VRK1: variants seen among roughly 807,000 people sequenced by gnomAD.
The protein encoded by VRK1 is VRK serine/threonine kinase 1.
VRK1 carries 33 observed loss-of-function variants against 57.1 expected under a neutral mutation model. The observed-to-expected ratio is 0.58, with a 90% CI of 0.44 to 0.77. The LOEUF (loss-of-function observed/expected upper bound fraction) is 0.77, where lower values mean the gene tolerates loss of function less well. Among genes scored for constraint, VRK1 ranks in the 30% least tolerant of loss-of-function variants. VRK1 has a pLI of 0.00. For missense variants in VRK1, 413 were observed against 477.3 expected (o/e 0.87, Z 1.25); for synonymous variants, 137 against 147.8 (o/e 0.93, Z 0.53).
Position 96,860,170 on chromosome 14 carries a change from C to T in VRK1, c.890-387C>T, listed in dbSNP as rs1179227305. On this transcript the variant is annotated intron_variant, in intron 10 of 12. Transcript: ENST00000216639. ...TAGCTATCTGCTATAGAGCTAATGG[C>T]TTTGATGGCAAAAACATATTGGCTA... Among the ~76,000 whole-genome samples, 7 of 152,052 alleles carry T rather than the reference C, an allele frequency of 4.6e-5. No individual in the cohort carries two copies. The East Asian group carries it at 1.3e-3, about 29-fold the overall frequency.
intron 1 of VRK1, among the ~76,000 whole-genome samples, chr14:96,822,247 G>A (rs772497497): frequency 3.3e-5 from 5 of 152,130 alleles, no homozygotes; most frequent in Non-Finnish European, 4.4e-5. Context: ...CCTGCACAGA[G>A]TGTGCTGTCA....
At chr14:96,870,098 C>G (rs762404957) in intron 11 of VRK1, among the ~76,000 whole-genome samples, 1 of 152,132 alleles carries the variant, frequency 6.6e-6, no homozygotes, top group Non-Finnish European at 1.5e-5. Flanking sequence ...GATATTGACC[C>G]TTTAAACTTT....
chr14:96,875,606 T>C (rs1048146964), intron 11 of VRK1, among the ~76,000 whole-genome samples: 3 of 152,194 alleles, frequency 2.0e-5, no homozygotes, highest in Admixed American at 1.3e-4. Flanking sequence ...ATTTATCAAA[T>C]AGATTATCCT....
At chr14:96,873,528 T>C (rs771628181) in intron 11 of VRK1, among the ~76,000 whole-genome samples, 2 of 152,188 alleles carry the variant, frequency 1.3e-5, no homozygotes, top group Non-Finnish European at 2.9e-5. Context: ...AATATTTTGG[T>C]TTCATATTAA....
In VRK1 at chr14:96,852,900, G is replaced by T; in HGVS notation, c.444G>T (p.Arg148Ser). Residue 148 changes from arginine to serine, a missense_variant, in exon 6 of 13, where the codon AGG becomes AGT. Around this residue, in one of 3 missense-constraint regions of VRK1, gnomAD observed 151 missense variants for 225.5 expected, o/e 0.67. Coordinates refer to ENST00000216639, the MANE Select transcript of VRK1 (RefSeq NM_003384.3). Reference protein sequence around the residue: ...LQKIYEANAKRFSRKTVLQLS... With the variant: ...LQKIYEANAKSFSRKTVLQLS... The stretch of plus-strand genomic sequence containing the variant: ...AAATATATGAAGCAAATGCCAAAAG[G>T]TTTTCTCGGAAAACTGTCTTGCAGC... 2 of 1,613,834 alleles carry T rather than the reference G, an allele frequency of 1.2e-6. No individual in the cohort carries two copies. The highest frequency in any genetic ancestry group is 1.7e-4 in the Middle Eastern group (1 of 6,056).
chr14:96,881,187 C>A lies in VRK1; in HGVS notation c.1170C>A (p.Thr390=). ...TGATTTTTCTTCAAGGTTCAAGAAC[C>A]AGAAAGAGAGTCCAGAAGTAATTCA... ...TEEAIQTRSR[T]RKRVQK Residue 390 remains threonine, a synonymous_variant, in exon 13 of 13, where the codon ACC becomes ACA. Coordinates refer to ENST00000216639, the MANE Select transcript of VRK1 (RefSeq NM_003384.3). 2 of 1,605,954 alleles carry A rather than the reference C, an allele frequency of 1.2e-6. No homozygotes were observed. The highest frequency in any genetic ancestry group is 1.7e-6 in the Non-Finnish European group (2 of 1,175,620).
chr14:96,857,859 C>G (rs900003308), intron 10 of VRK1, among the ~76,000 whole-genome samples: 3 of 152,134 alleles, frequency 2.0e-5, no homozygotes, highest in African/African-American at 7.2e-5. Flanking sequence ...GTAGCCTCTC[C>G]CTCCTGGCCG....
intron 1 of VRK1, among the ~76,000 whole-genome samples, chr14:96,804,763 A>G (rs1404603440): frequency 1.3e-5 from 2 of 152,234 alleles, no homozygotes; most frequent in Non-Finnish European, 2.9e-5. Context: ...CTTGACTTAC[A>G]ACTTTGTTTT....
rs776646096 is a variant in VRK1, at chr14:96,856,206, G to A, written c.786G>A (p.Glu262=). 2.0e-5 allele frequency: 33 copies of A among 1,613,424 alleles called. No homozygotes were observed. The highest frequency in any genetic ancestry group is 1.6e-4 in the Middle Eastern group (1 of 6,080). The change falls in exon 9 of 13, where the codon GAG becomes GAA. Residue 262 remains glutamate, a synonymous_variant. Coordinates refer to ENST00000216639, the MANE Select transcript of VRK1 (RefSeq NM_003384.3). ...GGCTTACTGGCCATCTTCCTTGGGA[G>A]GATAATTTGAAAGATCCTAAATATG... is the stretch of plus-strand genomic sequence containing the variant. The part of the protein sequence containing the change: ...IQWLTGHLPW[E]DNLKDPKYVR...
intron 8 of VRK1, 66 bp downstream of exon 8, chr14:96,855,422 C>A: frequency 6.2e-7 from 1 of 1,608,916 alleles, no homozygotes; most frequent in South Asian, 1.1e-5. Flanking sequence ...CTACATAGTT[C>A]TTAATTATGC....
chr14:96,813,475 ATTC>A (rs1472222136), intron 1 of VRK1, among the ~76,000 whole-genome samples: 1 of 152,092 alleles, frequency 6.6e-6, no homozygotes, highest in East Asian at 1.9e-4. Context: ...TTTTTCATAT[ATTC>A]TTCAGTGGCG....
chr14:96,831,771 A>G (rs1887014734), intron 1 of VRK1, among the ~76,000 whole-genome samples: 1 of 152,220 alleles, frequency 6.6e-6, no homozygotes, highest in Admixed American at 6.5e-5. Flanking sequence ...ACTATAAGGA[A>G]CCAGTCAAAT....
chr14:96,818,173 G>C (rs372317669), intron 1 of VRK1, among the ~76,000 whole-genome samples: 68 of 152,318 alleles, frequency 4.5e-4, no homozygotes, highest in African/African-American at 1.5e-3. Flanking sequence ...TCTTGGGCTT[G>C]TGTTTGCAAA....
intron 1 of VRK1, among the ~76,000 whole-genome samples, chr14:96,824,816 G>A (rs973562354): frequency 2.8e-4 from 43 of 151,836 alleles, no homozygotes; most frequent in Admixed American, 2.8e-3. Context: ...ACCACGCCTG[G>A]CTTATTTTTT....
chr14:96,855,268 A>T lies in VRK1; in HGVS notation c.621A>T (p.Glu207Asp). Residue 207 changes from glutamate to aspartate, a missense_variant, in exon 8 of 13, where the codon GAA (glutamate) becomes GAT (aspartate). This residue lies in a region of VRK1 where 151 missense variants were observed against 225.5 expected (regional missense o/e 0.67). Transcript: ENST00000216639. ...GCCTTGCTTATCGGTACTGCCCAGA[A>T]GGAGTTCATAAAGAATACAAAGAAG... ...DYGLAYRYCPEGVHKEYKEDP... is the reference protein window; with the variant it reads ...DYGLAYRYCPDGVHKEYKEDP... 6.2e-7 allele frequency: 1 copy of T among 1,614,112 alleles called. No homozygotes were observed.
chr14:96,821,497 T>C (rs1404842344), intron 1 of VRK1, among the ~76,000 whole-genome samples: 1 of 152,206 alleles, frequency 6.6e-6, no homozygotes, highest in Non-Finnish European at 1.5e-5. Flanking sequence ...CCCCTCTGTT[T>C]AGTGGCTAAA....
At chr14:96,840,277 G>A (rs1324274551) in intron 3 of VRK1, among the ~76,000 whole-genome samples, 1 of 152,118 alleles carries the variant, frequency 6.6e-6, no homozygotes, top group Non-Finnish European at 1.5e-5. Context: ...CCTGTCCATT[G>A]TCTAATTTCT....
At chr14:96,804,578 T>C (rs1017063239) in intron 1 of VRK1, among the ~76,000 whole-genome samples, 3 of 152,200 alleles carry the variant, frequency 2.0e-5, no homozygotes, top group African/African-American at 7.2e-5. Context: ...AGAAAGAGTA[T>C]ATAAACTTCT....
In VRK1 at chr14:96,828,504, G is replaced by A. The variant is rs375807670; in HGVS notation, c.-5-4963G>A. 2.2e-4 allele frequency among the ~76,000 whole-genome samples: 33 copies of A among 152,238 alleles called. No individual in the cohort carries two copies. The South Asian group carries it at 6.6e-3, about 31-fold the overall frequency. ...TGAGCATAATATTGATACTTAAACA[G>A]ATAAATGTAGCAGAAAAAATAAACT... On this transcript the variant is annotated intron_variant, in intron 1 of 12. Transcript: ENST00000216639.
Sources: gnomAD v4.1 joint callset for allele counts (sites outside exome capture counted in the v4.1 genomes callset) on GRCh38, gnomAD v4.1.1 for gene constraint, gnomAD v4.1.1 regional missense constraint, MANE v1.5 for transcripts, NCBI Gene and HGNC (gene_info 2026-07-23, HGNC 2026-07-21) for gene names.